Variants in MPP7 observed in about 807,000 individuals in gnomAD.
The protein encoded by MPP7 is MAGUK p55 scaffold protein 7.
A neutral mutation model predicts 76.5 loss-of-function variants in MPP7; 60 were observed. That is an observed-to-expected ratio of 0.78 (90% CI 0.64 to 0.97). MPP7 has a LOEUF of 0.97. Among genes scored for constraint, MPP7 ranks in the 50% least tolerant of loss-of-function variants. The pLI, the probability that MPP7 is intolerant of heterozygous loss-of-function variation, is 0.00. For synonymous variants in MPP7, 237 were observed against 244.5 expected, an observed-to-expected ratio of 0.97 and a Z score of 0.29; for missense variants, 641 against 694.0, an observed-to-expected ratio of 0.92 and a Z score of 0.86.
At position 28,074,994 on chromosome 10, in the gene MPP7, G is replaced by A. The variant is rs1194316730; in HGVS notation, c.1124-5142C>T. Among the ~76,000 whole-genome samples, 3 of 152,128 alleles carry A rather than the reference G, an allele frequency of 2.0e-5. No homozygotes were observed. In the East Asian group the frequency reaches 5.8e-4, roughly 29 times the overall value. ...GCCCACAGTTCCGCAGGCTGCCTGT[G>A]AAGCATGATTCTATCCTCTGCTTGG... is the stretch of plus-strand genomic sequence containing the variant. On this transcript the variant is annotated intron_variant, in intron 12 of 16. Transcript: ENST00000683449.
intron 3 of MPP7, among the ~76,000 whole-genome samples, chr10:28,172,282 A>C (rs1238604470): frequency 6.6e-6 from 1 of 152,248 alleles, no homozygotes; most frequent in African/African-American, 2.4e-5. Context: ...GTTAAGTAAA[A>C]TACGTGATTT....
intron 11 of MPP7, among the ~76,000 whole-genome samples, chr10:28,112,831 A>AT (rs75578663): frequency 0.11 from 17,450 of 152,036 alleles, 1,676 homozygotes; most frequent in East Asian, 0.51. Context: ...TATAATCCCC[A>AT]TTTTTTTCAG....
intron 2 of MPP7, among the ~76,000 whole-genome samples, chr10:28,205,769 G>A (rs1837930730): frequency 6.6e-6 from 1 of 152,180 alleles, no homozygotes; most frequent in Non-Finnish European, 1.5e-5. Flanking sequence ...CTTCAGAAAA[G>A]AAGTAAACAC....
intron 1 of MPP7, among the ~76,000 whole-genome samples, chr10:28,257,251 C>G (rs1839814433): frequency 6.6e-6 from 1 of 152,102 alleles, no homozygotes; most frequent in African/African-American, 2.4e-5. Context: ...TATCATTTAT[C>G]TGGTGCCTGG....
intron 3 of MPP7, among the ~76,000 whole-genome samples, chr10:28,195,580 C>T (rs918865637): frequency 6.6e-6 from 1 of 152,250 alleles, no homozygotes; most frequent in East Asian, 1.9e-4. Flanking sequence ...CTGATACATG[C>T]TATAATTTGG....
In MPP7 at chr10:28,155,236, C is replaced by T. The variant is rs185501409; in HGVS notation, c.157-5177G>A. ...TTGCATGCATTTTCTAGGAAAATAC[C>T]CAAATACAGATGGGTGATTTATGCT... On this transcript the variant is annotated intron_variant, in intron 3 of 16. Coordinates refer to ENST00000683449, the MANE Select transcript of MPP7 (RefSeq NM_001318170.2). 4.3e-4 allele frequency among the ~76,000 whole-genome samples: 66 copies of T among 151,952 alleles called. No individual in the cohort carries two copies. The East Asian group carries it at 0.012, about 28-fold the overall frequency.
intron 2 of MPP7, among the ~76,000 whole-genome samples, chr10:28,218,576 A>G (rs748080542): frequency 6.6e-6 from 1 of 152,174 alleles, no homozygotes; most frequent in African/African-American, 2.4e-5. Context: ...CGAAGACACT[A>G]TAAGACCTAA....
intron 1 of MPP7, among the ~76,000 whole-genome samples, chr10:28,284,190 T>A (rs1473795355): frequency 6.6e-6 from 1 of 152,100 alleles, no homozygotes; most frequent in East Asian, 1.9e-4. Flanking sequence ...CACTCTGAAA[T>A]GCACATGAAA....
At chr10:28,194,316 C>T (rs1837510123) in intron 3 of MPP7, among the ~76,000 whole-genome samples, 1 of 152,146 alleles carries the variant, frequency 6.6e-6, no homozygotes. Context: ...ACCTGGCCAG[C>T]AGTTTCTTAA....
intron 1 of MPP7, among the ~76,000 whole-genome samples, chr10:28,331,565 T>A (rs1341764712): frequency 2.0e-5 from 3 of 152,160 alleles, no homozygotes; most frequent in African/African-American, 7.2e-5. Flanking sequence ...GTAGGGTTTT[T>A]AAAAATTATT....
At chr10:28,174,511 C>T (rs1258065418) in intron 3 of MPP7, among the ~76,000 whole-genome samples, 1 of 152,154 alleles carries the variant, frequency 6.6e-6, no homozygotes, top group Admixed American at 6.5e-5. Context: ...CGTCCTGAGA[C>T]CCTCATCAAG....
intron 2 of MPP7, among the ~76,000 whole-genome samples, chr10:28,224,925 C>T (rs1430309178): frequency 2.6e-5 from 4 of 151,992 alleles, no homozygotes; most frequent in African/African-American, 9.7e-5. Context: ...CTCCCCTATC[C>T]CCAGTGCTCT....
At chr10:28,282,284 G>A (rs1013397354) in intron 1 of MPP7, 4 of 152,038 alleles carry the variant, frequency 2.6e-5, no homozygotes, top group Non-Finnish European at 5.9e-5. Flanking sequence ...AGCAACCTTG[G>A]CTGATAAAAT....
chr10:28,074,684 T>C (rs1030616318), intron 12 of MPP7, among the ~76,000 whole-genome samples: 1 of 152,224 alleles, frequency 6.6e-6, no homozygotes, highest in African/African-American at 2.4e-5. Flanking sequence ...TTCTCTTGCT[T>C]CTAGCTCCTT....
chr10:28,182,011 A>G (rs1203267607), intron 3 of MPP7, among the ~76,000 whole-genome samples: 1 of 152,242 alleles, frequency 6.6e-6, no homozygotes, highest in Admixed American at 6.5e-5. Context: ...CATTTAAGAC[A>G]GAGAGAAGAC....
At chr10:28,228,676 G>A (rs1004189879) in intron 2 of MPP7, among the ~76,000 whole-genome samples, 3 of 151,930 alleles carry the variant, frequency 2.0e-5, no homozygotes, top group Non-Finnish European at 2.9e-5. Context: ...AGGCAGAATC[G>A]CTTGAACCCA....
intron 1 of MPP7, among the ~76,000 whole-genome samples, chr10:28,252,664 A>G (rs1287466682): frequency 6.7e-6 from 1 of 148,928 alleles, no homozygotes; most frequent in Non-Finnish European, 1.5e-5. Flanking sequence ...CAGAGGCGTT[A>G]AAAGGCAACC....
intron 16 of MPP7, among the ~76,000 whole-genome samples, 197 bp from the exon 17 acceptor site, chr10:28,054,441 C>T (rs574126805): frequency 1.7e-4 from 26 of 152,198 alleles, no homozygotes; most frequent in Non-Finnish European, 3.4e-4. Flanking sequence ...CTATGATTTG[C>T]TTGTAACAAA....
At chr10:28,306,964 C>G (rs576375606), upstream of MPP7, among the ~76,000 whole-genome samples, 2 of 152,210 alleles carry the variant, frequency 1.3e-5, no homozygotes, top group South Asian at 4.2e-4. Flanking sequence ...AAATGATGTT[C>G]CAGAGCTGCA....
Sources: gnomAD v4.1 joint callset for allele counts (sites outside exome capture counted in the v4.1 genomes callset) on GRCh38, gnomAD v4.1.1 for gene constraint, MANE v1.5 for transcripts, NCBI Gene and HGNC (gene_info 2026-07-23, HGNC 2026-07-21) for gene names.